The following KDM4C variants were observed in gnomAD, a reference collection of about 807,000 sequenced individuals.
The protein encoded by KDM4C is lysine demethylase 4C, also known as lysine-specific demethylase 4C.
In KDM4C, 81 loss-of-function variants were observed where a neutral mutation model predicts 129.3. The observed-to-expected ratio is 0.63, with a 90% CI of 0.52 to 0.75. The LOEUF (loss-of-function observed/expected upper bound fraction) is 0.75, where lower values mean the gene tolerates loss of function less well. KDM4C is among the 30% of genes least tolerant of loss of function. KDM4C has a pLI of 0.00. For missense variants in KDM4C, 1,457 were observed against 1,304.0 expected (o/e 1.12, Z -1.81); for synonymous variants, 573 against 456.1 (o/e 1.26, Z -3.26).
intron 18 of KDM4C, 181 bp downstream of exon 18, chr9:7,104,051 C>T (rs1274154907): frequency 2.9e-5 from 17 of 588,398 alleles, no homozygotes; most frequent in Non-Finnish European, 4.5e-5. Flanking sequence ...TGCCTAGGAC[C>T]TGTCAAGTGC....
intron 7 of KDM4C, 147 bp from the exon 8 acceptor site, chr9:6,892,948 A>C (rs1316796875): frequency 4.2e-5 from 21 of 499,766 alleles, no homozygotes; most frequent in Non-Finnish European, 5.8e-5. Flanking sequence ...TAAAGGATTA[A>C]GTAATGAATC....
intron 12 of KDM4C, among the ~76,000 whole-genome samples, chr9:7,003,867 C>A (rs999253074): frequency 2.0e-5 from 3 of 152,142 alleles, no homozygotes; most frequent in Non-Finnish European, 4.4e-5. Context: ...AAGTTTGAAT[C>A]TTTGCCTTTT....
Position 7,121,867 on chromosome 9 carries a change from C to T in KDM4C, c.2611-6199C>T, listed in dbSNP as rs533646947. Among the ~76,000 whole-genome samples the T allele has an allele frequency of 2.8e-3, 426 of 150,932 alleles. 2 individuals are homozygous for T. Among genetic ancestry groups the T allele is most frequent in the Middle Eastern group, 0.01 (3 of 286 alleles). On this transcript the variant is annotated intron_variant, in intron 18 of 21. Coordinates refer to ENST00000381309, the MANE Select transcript of KDM4C (RefSeq NM_015061.6). ...CACTGCTTGAATTCTATTGGTGTTA[C>T]TTCCTGGTTGGCTTTATTTCCTTGC...
chr9:6,841,119 A>G (rs773406611), intron 4 of KDM4C, among the ~76,000 whole-genome samples: 66 of 152,320 alleles, frequency 4.3e-4, no homozygotes, highest in Non-Finnish European at 8.4e-4. Flanking sequence ...TCAGATTCTT[A>G]CAGAATCTAG....
In KDM4C at chr9:6,732,289, C is replaced by T. The variant is rs189357454; in HGVS notation, c.49+11292C>T. On this transcript the variant is annotated intron_variant, in intron 1 of 17. Transcript: ENST00000536108. ...CTGAGGCAGGAGAATCGCTGGAACC[C>T]GGGAAGCGGAGGTTGCAGTGAGCTG... 5.1e-3 allele frequency among the ~76,000 whole-genome samples: 706 copies of T among 138,502 alleles called. 7 individuals carry two copies. The highest frequency in any genetic ancestry group is 0.018 in the African/African-American group (683 of 37,374). 90.9% of individuals were successfully genotyped at this position (138,502 alleles called of 152,430 possible).
chr9:6,838,668 G>GT (rs1352710443), intron 4 of KDM4C, among the ~76,000 whole-genome samples: 4 of 152,108 alleles, frequency 2.6e-5, no homozygotes, highest in Non-Finnish European at 5.9e-5. Context: ...TTCTAAAACA[G>GT]AAAGCAGTGC....
At chr9:7,083,185 G>A (rs750802661) in intron 17 of KDM4C, among the ~76,000 whole-genome samples, 1 of 152,060 alleles carries the variant, frequency 6.6e-6, no homozygotes, top group African/African-American at 2.4e-5. Context: ...CAAAATTCTT[G>A]TTACCAGAAG....
chr9:7,154,073 G>C (rs1842941648), intron 19 of KDM4C, among the ~76,000 whole-genome samples: 1 of 152,208 alleles, frequency 6.6e-6, no homozygotes, highest in African/African-American at 2.4e-5. Flanking sequence ...TTTGCTGTGA[G>C]GGAAGCTGGG....
chr9:6,890,042 A>C (rs1255110421), intron 7 of KDM4C, among the ~76,000 whole-genome samples: 2 of 152,186 alleles, frequency 1.3e-5, no homozygotes, highest in African/African-American at 4.8e-5. Context: ...AGTGACTTTG[A>C]GGGTTGATTG....
intron 1 of KDM4C, among the ~76,000 whole-genome samples, chr9:6,760,015 G>C (rs969362444): frequency 6.6e-6 from 1 of 150,834 alleles, no homozygotes; most frequent in Non-Finnish European, 1.5e-5. Context: ...TAAATGAATA[G>C]TCTTGTGCAA....
At chr9:6,884,370 G>A (rs1424122180) in intron 6 of KDM4C, among the ~76,000 whole-genome samples, 1 of 152,104 alleles carries the variant, frequency 6.6e-6, no homozygotes, top group African/African-American at 2.4e-5. Context: ...AAATAAGCTT[G>A]CCAAGAAATT....
At chr9:6,757,040 T>A (rs182435555), upstream of KDM4C, among the ~76,000 whole-genome samples, 34 of 150,704 alleles carry the variant, frequency 2.3e-4, no homozygotes, top group East Asian at 6.4e-3. Context: ...GTAGGAAGTT[T>A]AAAAAAAAAA....
In KDM4C at chr9:6,737,378, C is replaced by T. The variant is rs149387440; in HGVS notation, c.49+16381C>T. 9.5e-3 allele frequency among the ~76,000 whole-genome samples: 1,449 copies of T among 151,856 alleles called. 22 individuals are homozygous for T. Among genetic ancestry groups the T allele is most frequent in the African/African-American group, 0.033 (1,378 of 41,416 alleles). On this transcript the variant is annotated intron_variant, in intron 1 of 17. Transcript: ENST00000536108. ...CCCCATTAAAAAAGTGAGCAAAGGA[C>T]GGTCAGGTGCAGTGGCTCATGCCTG...
At chr9:6,841,175 G>A (rs911206535) in intron 4 of KDM4C, among the ~76,000 whole-genome samples, 11 of 152,008 alleles carry the variant, frequency 7.2e-5, no homozygotes, top group African/African-American at 2.7e-4. Context: ...TGAAGTGGTA[G>A]TTCCCCCTGT....
At chr9:6,805,846 C>CT (rs1829872469) in intron 3 of KDM4C, 72 bp downstream of exon 3, 1 of 1,362,914 alleles carries the variant, frequency 7.3e-7, no homozygotes, top group African/African-American at 1.5e-5. Context: ...ACAAAGTAGA[C>CT]AGAGGAGCTT....
At chr9:6,989,481 G>C (rs1423549135) in intron 11 of KDM4C, among the ~76,000 whole-genome samples, 6 of 152,092 alleles carry the variant, frequency 3.9e-5, no homozygotes, top group African/African-American at 1.4e-4. Context: ...TTCTACCCGG[G>C]AAAGGAATAT....
rs1245486786 is a variant in KDM4C, at chr9:6,870,629, G to GT, written c.630-9382dup. 9.9e-5 allele frequency among the ~76,000 whole-genome samples: 15 copies of GT among 152,156 alleles called. No individual in the cohort carries two copies. In the East Asian group the frequency reaches 2.5e-3, roughly 26 times the overall value. ...TTTCACTGTGTTTTTGAACACTTTA[G>GT]TGAAGGTAGAGGGCAAGTCAGGCAT... On this transcript the variant is annotated intron_variant, in intron 5 of 21. Transcript: ENST00000381309.
intron 1 of KDM4C, among the ~76,000 whole-genome samples, chr9:6,726,337 C>G (rs1447063303): frequency 6.6e-6 from 1 of 152,214 alleles, no homozygotes; most frequent in Non-Finnish European, 1.5e-5. Flanking sequence ...TCGACTGACT[C>G]AATGTGATCA....
chr9:6,755,886 T>C (rs1247328649), upstream of KDM4C, among the ~76,000 whole-genome samples: 2 of 152,226 alleles, frequency 1.3e-5, no homozygotes, highest in Non-Finnish European at 2.9e-5. Context: ...ATTCACATAG[T>C]GCTTTACAGC....
Sources: allele counts gnomAD v4.1 joint callset (sites outside exome capture counted in the v4.1 genomes callset), GRCh38; gene constraint gnomAD v4.1.1; transcripts MANE v1.5; gene names NCBI Gene and HGNC (gene_info 2026-07-23, HGNC 2026-07-21).